GLIS3: variants seen among roughly 807,000 people sequenced by gnomAD.
GLIS3 encodes zinc finger protein GLIS3.
In GLIS3, 53 loss-of-function variants were observed where a neutral mutation model predicts 78.6. The observed-to-expected ratio is 0.67, with a 90% CI of 0.54 to 0.85. The LOEUF is 0.85. GLIS3 is among the 40% of genes least tolerant of loss of function. The pLI, the probability that GLIS3 is intolerant of heterozygous loss-of-function variation, is 0.00. For missense variants in GLIS3, 1,703 were observed against 1,231.1 expected, an observed-to-expected ratio of 1.38 and a Z score of -5.74; for synonymous variants, 684 against 509.9, an observed-to-expected ratio of 1.34 and a Z score of -4.60.
rs1831963058 is a variant in GLIS3, at chr9:4,118,850, T to G, written c.628A>C (p.Thr210Pro). The stretch of plus-strand genomic sequence containing the variant: ...TGACTTTCCGTCAGACTCAAGGTCG[T>G]GGACGCCAAAGACTCACGCGAAATA... ...SLISRESLAS[T>P]TLSLTESQSA... Residue 210 changes from threonine to proline, a missense_variant, in exon 4 of 11, where the codon ACG becomes CCG. Coordinates refer to ENST00000381971, the MANE Select transcript of GLIS3 (RefSeq NM_001042413.2). This position sits in a 1 kb window ranked among gnomAD's most constrained non-coding sequence, Gnocchi z 4.7. The G allele has an allele frequency of 6.2e-7, 1 of 1,603,090 alleles. No individual in the cohort carries two copies. The highest frequency in any genetic ancestry group is 1.1e-5 in the South Asian group (1 of 91,062).
At chr9:4,437,420 G>GTATGTATCTATCTATCTATC in the GLIS3 span, among the ~76,000 whole-genome samples, 35 of 126,924 alleles carry the variant, frequency 2.8e-4, no homozygotes, top group East Asian at 6.7e-4. Context: ...ATGTATGTAT[G>GTATGTATCTATCTATCTATC]TATCTATCTA....
At chr9:4,184,441 G>C (rs183259342) in intron 2 of GLIS3, among the ~76,000 whole-genome samples, 1 of 152,148 alleles carries the variant, frequency 6.6e-6, no homozygotes, top group Non-Finnish European at 1.5e-5. Context: ...CACTTCAAAG[G>C]GAGACATTTG....
chr9:3,881,589 G>T (rs115458537), intron 7 of GLIS3, among the ~76,000 whole-genome samples: 6 of 152,078 alleles, frequency 3.9e-5, no homozygotes, highest in Admixed American at 1.3e-4. Flanking sequence ...CCTGCCACTC[G>T]CTCAGAGTTA....
chr9:3,939,233 G>A (rs749946437), intron 4 of GLIS3, among the ~76,000 whole-genome samples: 1 of 152,186 alleles, frequency 6.6e-6, no homozygotes, highest in Non-Finnish European at 1.5e-5. Flanking sequence ...CAGGATGAGA[G>A]CGGAGAACTA....
At chr9:4,092,887 GCTTT>G (rs1829643431) in intron 4 of GLIS3, among the ~76,000 whole-genome samples, 1 of 152,130 alleles carries the variant, frequency 6.6e-6, no homozygotes, top group African/African-American at 2.4e-5. Flanking sequence ...AACTATATGT[GCTTT>G]ATTTTTATAC....
At chr9:4,210,898 C>G (rs12346074) in intron 2 of GLIS3, among the ~76,000 whole-genome samples, 51,105 of 152,112 alleles carry the variant, frequency 0.34, 8,990 homozygotes, top group Non-Finnish European at 0.4. Context: ...CCACACACCC[C>G]TACCCTCCCT....
intron 4 of GLIS3, among the ~76,000 whole-genome samples, chr9:4,025,644 C>T (rs1037890093): frequency 6.6e-6 from 1 of 152,112 alleles, no homozygotes; most frequent in African/African-American, 2.4e-5. Context: ...TCTCAGCCTC[C>T]CAAAATGCTG....
intron 9 of GLIS3, among the ~76,000 whole-genome samples, chr9:3,848,484 A>T (rs1819204360): frequency 6.6e-6 from 1 of 152,242 alleles, no homozygotes; most frequent in South Asian, 2.1e-4. Flanking sequence ...CCTGGACGAC[A>T]AGAGCGAAAC....
the GLIS3 span, among the ~76,000 whole-genome samples, chr9:4,374,520 C>G: frequency 6.6e-6 from 1 of 152,240 alleles, no homozygotes; most frequent in South Asian, 2.1e-4. Context: ...CCTTAAGATG[C>G]CCTTAAGCCT....
chr9:4,267,110 G>C (rs1310896609), intron 2 of GLIS3, among the ~76,000 whole-genome samples: 1 of 152,056 alleles, frequency 6.6e-6, no homozygotes, highest in Admixed American at 6.6e-5. Context: ...GAGAATAAGA[G>C]AAAAGCTGTA....
intron 6 of GLIS3, among the ~76,000 whole-genome samples, chr9:3,918,496 C>T (rs1015964953): frequency 3.9e-5 from 6 of 152,124 alleles, no homozygotes; most frequent in African/African-American, 1.4e-4. Context: ...AGTGCCTGGC[C>T]GTCTTCATGG....
chr9:4,153,670 T>G (rs1314342627), intron 2 of GLIS3, among the ~76,000 whole-genome samples: 1 of 152,220 alleles, frequency 6.6e-6, no homozygotes, highest in Non-Finnish European at 1.5e-5. Flanking sequence ...AAAGTTTGCA[T>G]ATTATTGCTT....
rs1301447543 is a variant in GLIS3 at position 3,828,393 on chromosome 9, G to T, written c.2672C>A (p.Ser891Ter). The change falls in exon 11 of 11, where the codon TCA becomes TAA. Residue 891 changes from serine to a stop codon, truncating the protein, a stop_gained. Transcript: ENST00000381971. LOFTEE classifies it high-confidence loss of function. ...CTCCCCAAAGAGGCTCGAGGAACTT[G>T]AAGGTAAATCATACACTGGAAGAGA... ...HSGITVYDLP[S>*]SSSSLFGESL... 2.5e-6 allele frequency: 4 copies of T among 1,613,372 alleles called. No individual in the cohort carries two copies. The East Asian group carries it at 8.9e-5, about 36-fold the overall frequency.
chr9:4,461,363 TAAAG>T, the GLIS3 span, among the ~76,000 whole-genome samples: 35 of 128,186 alleles, frequency 2.7e-4, no homozygotes, highest in African/African-American at 9.0e-4. Flanking sequence ...ATTATGCACT[TAAAG>T]AACCAATTCT....
chr9:4,202,495 G>T (rs74558334), intron 2 of GLIS3, among the ~76,000 whole-genome samples: 1 of 151,350 alleles, frequency 6.6e-6, no homozygotes, highest in East Asian at 1.9e-4. Flanking sequence ...AACCAAAAAA[G>T]AGCCCAAACA....
At chr9:3,998,363 A>C (rs1820886370) in intron 4 of GLIS3, among the ~76,000 whole-genome samples, 1 of 152,144 alleles carries the variant, frequency 6.6e-6, no homozygotes. Flanking sequence ...GAAATCACCA[A>C]TTCATTTAAT....
At chr9:4,463,415 C>G in the GLIS3 span, among the ~76,000 whole-genome samples, 2 of 152,154 alleles carry the variant, frequency 1.3e-5, no homozygotes, top group East Asian at 1.9e-4. Flanking sequence ...TCTTCATGCT[C>G]TCTCACCCAA....
rs530562840 is a variant in GLIS3 at position 4,125,422 on chromosome 9, G to C, written c.596+312C>G. Among the ~76,000 whole-genome samples, 6 of 152,300 alleles carry C rather than the reference G, an allele frequency of 3.9e-5. No homozygotes were observed. The East Asian group carries it at 9.7e-4, about 25-fold the overall frequency. On this transcript the variant is annotated intron_variant, in intron 3 of 10. Transcript: ENST00000381971. ...AAATTTGCTAGGCCATGATATGATTGCTTCACCAGAAATTGACAAATTTAC... is the reference window on the plus strand; with the variant it reads ...AAATTTGCTAGGCCATGATATGATTCCTTCACCAGAAATTGACAAATTTAC...
chr9:4,263,741 C>T (rs940833499), intron 2 of GLIS3, among the ~76,000 whole-genome samples: 5 of 152,174 alleles, frequency 3.3e-5, no homozygotes, highest in South Asian at 2.1e-4. Flanking sequence ...TCTTATCTGA[C>T]GTCTCAGCAA....
Sources: allele counts gnomAD v4.1 joint callset (sites outside exome capture counted in the v4.1 genomes callset), GRCh38; gene constraint gnomAD v4.1.1; non-coding constraint Gnocchi (gnomAD v3.1); transcripts MANE v1.5; gene names NCBI Gene and HGNC (gene_info 2026-07-23, HGNC 2026-07-21).